Variants in KHDRBS3 observed in about 807,000 individuals in gnomAD.
KHDRBS3 encodes KH domain-containing, RNA-binding, signal transduction-associated protein 3.
In KHDRBS3, 23 loss-of-function variants were observed where a neutral mutation model predicts 45.6. The ratio of observed to expected loss-of-function variants is 0.50; its 90% CI spans 0.36 to 0.72. The LOEUF (loss-of-function observed/expected upper bound fraction) is 0.72, where lower values mean the gene tolerates loss of function less well. Among genes scored for constraint, KHDRBS3 ranks in the 30% least tolerant of loss-of-function variants. The pLI is 0.00. For missense variants in KHDRBS3, 352 were observed against 424.8 expected (o/e 0.83, Z 1.51); for synonymous variants, 162 against 156.5 (o/e 1.04, Z -0.26).
chr8:135,607,808 C>T (rs1300115806), intron 7 of KHDRBS3, among the ~76,000 whole-genome samples: 1 of 152,150 alleles, frequency 6.6e-6, no homozygotes, highest in Non-Finnish European at 1.5e-5. Flanking sequence ...AACACAAATT[C>T]ACTTTTGAAC....
intron 7 of KHDRBS3, among the ~76,000 whole-genome samples, chr8:135,626,767 G>A (rs1468111627): frequency 4.2e-5 from 5 of 117,726 alleles, no homozygotes; most frequent in Admixed American, 2.2e-4. Context: ...TTGCGCCACC[G>A]CACTCCAACC....
chr8:135,567,573 G>A (rs1174570353), intron 5 of KHDRBS3, among the ~76,000 whole-genome samples: 1 of 152,152 alleles, frequency 6.6e-6, no homozygotes, highest in Non-Finnish European at 1.5e-5. Flanking sequence ...TAGTAGAGAG[G>A]GAATGTGCCT....
intron 7 of KHDRBS3, chr8:135,626,027 G>A (rs1328146441): frequency 1.4e-5 from 9 of 625,374 alleles, no homozygotes; most frequent in South Asian, 3.9e-5. Context: ...ACCCAGCTCC[G>A]GTTCCAGTTC....
chr8:135,507,194 G>A (rs1408915260), intron 1 of KHDRBS3, among the ~76,000 whole-genome samples: 2 of 152,080 alleles, frequency 1.3e-5, no homozygotes, highest in African/African-American at 4.8e-5. Flanking sequence ...CCTGTTATTA[G>A]TCTTAGTGTT....
chr8:135,512,432 G>GGC (rs985614191), intron 1 of KHDRBS3, among the ~76,000 whole-genome samples: 1 of 137,006 alleles, frequency 7.3e-6, no homozygotes, highest in Non-Finnish European at 1.6e-5. Flanking sequence ...GAAAAGTCGG[G>GGC]GGGGGGGTAA....
At chr8:135,495,481 T>C (rs1374853184) in intron 1 of KHDRBS3, among the ~76,000 whole-genome samples, 1 of 152,198 alleles carries the variant, frequency 6.6e-6, no homozygotes, top group Non-Finnish European at 1.5e-5. Context: ...GTAGGGGAAA[T>C]ATATCATGAC....
At chr8:135,631,124 A>G (rs1020822230) in intron 7 of KHDRBS3, among the ~76,000 whole-genome samples, 23 of 151,872 alleles carry the variant, frequency 1.5e-4, no homozygotes, top group Non-Finnish European at 5.9e-5. Context: ...GATGACGTGC[A>G]CCTGTAATCC....
chr8:135,547,062 AT>A (rs1316761206), intron 3 of KHDRBS3, among the ~76,000 whole-genome samples: 4 of 152,228 alleles, frequency 2.6e-5, no homozygotes, highest in African/African-American at 9.6e-5. Flanking sequence ...TCAGGGATGA[AT>A]TGCTGTACAT....
In KHDRBS3 at chr8:135,485,682, A is replaced by T. The variant is rs1822817425; in HGVS notation, c.88+27728A>T. ...ATTCCTGAGTGATATAATCACGCAC[A>T]AATAGGACTAAATAATGATGATAAA... is the stretch of plus-strand genomic sequence containing the variant. On this transcript the variant is annotated intron_variant, in intron 1 of 8. Transcript: ENST00000355849. Among the ~76,000 whole-genome samples, 2 of 151,840 alleles carry T rather than the reference A, an allele frequency of 1.3e-5. 1 individual carries two copies. The highest frequency in any genetic ancestry group is 4.1e-4 in the South Asian group (2 of 4,820).
At chr8:135,599,169 C>T (rs1829098349) in intron 6 of KHDRBS3, among the ~76,000 whole-genome samples, 1 of 152,226 alleles carries the variant, frequency 6.6e-6, no homozygotes, top group African/African-American at 2.4e-5. Flanking sequence ...TGTAAGAACA[C>T]ATCTTCCCTT....
At chr8:135,575,862 C>A (rs1438547805) in intron 5 of KHDRBS3, among the ~76,000 whole-genome samples, 2 of 152,150 alleles carry the variant, frequency 1.3e-5, no homozygotes, top group Non-Finnish European at 2.9e-5. Context: ...TAACTAAAGT[C>A]CATTTCAGGT....
intron 7 of KHDRBS3, among the ~76,000 whole-genome samples, chr8:135,608,157 T>G (rs2131032623): frequency 6.6e-6 from 1 of 152,294 alleles, no homozygotes; most frequent in African/African-American, 2.4e-5. Flanking sequence ...TGCCATTGTT[T>G]TCATTGTATA....
chr8:135,515,743 G>A (rs1824561570), intron 1 of KHDRBS3, among the ~76,000 whole-genome samples: 1 of 152,154 alleles, frequency 6.6e-6, no homozygotes, highest in African/African-American at 2.4e-5. Context: ...ATATTAGTCT[G>A]TTTTTCTTTT....
chr8:135,513,780 C>G (rs1824429699), intron 1 of KHDRBS3, among the ~76,000 whole-genome samples: 1 of 152,134 alleles, frequency 6.6e-6, no homozygotes, highest in South Asian at 2.1e-4. Context: ...AGGGTATAAC[C>G]ATGCAGGACC....
intron 2 of KHDRBS3, among the ~76,000 whole-genome samples, chr8:135,528,862 G>T (rs920554236): frequency 6.6e-6 from 1 of 152,192 alleles, no homozygotes. Flanking sequence ...ATTCATAGGG[G>T]CAGAGTCCTC....
chr8:135,547,409 G>A (rs962017842), intron 3 of KHDRBS3, among the ~76,000 whole-genome samples: 1 of 152,064 alleles, frequency 6.6e-6, no homozygotes, highest in Non-Finnish European at 1.5e-5. Flanking sequence ...CAGTAGTTCT[G>A]CATTAATATA....
intron 5 of KHDRBS3, among the ~76,000 whole-genome samples, chr8:135,571,891 C>A (rs2130887365): frequency 6.6e-6 from 1 of 152,304 alleles, no homozygotes; most frequent in Non-Finnish European, 1.5e-5. Flanking sequence ...TAAGCACACA[C>A]TTCCAAATCC....
intron 3 of KHDRBS3, 102 bp from the exon 4 acceptor site, chr8:135,548,652 T>G: frequency 6.5e-6 from 6 of 920,184 alleles, no homozygotes; most frequent in Non-Finnish European, 7.6e-6. Context: ...GCCAGATGGA[T>G]TGTTTTTATT....
At chr8:135,512,736 A>G (rs1824367044) in intron 1 of KHDRBS3, among the ~76,000 whole-genome samples, 2 of 152,232 alleles carry the variant, frequency 1.3e-5, no homozygotes, top group South Asian at 4.1e-4. Flanking sequence ...TATAACAAAA[A>G]TGAATAAATA....
Sources: gnomAD v4.1 joint callset for allele counts (sites outside exome capture counted in the v4.1 genomes callset) on GRCh38, gnomAD v4.1.1 for gene constraint, MANE v1.5 for transcripts, NCBI Gene and HGNC (gene_info 2026-07-23, HGNC 2026-07-21) for gene names.